CRPPA: variants seen among roughly 807,000 people sequenced by gnomAD.
The protein encoded by CRPPA is D-ribitol-5-phosphate cytidylyltransferase.
In CRPPA, 43 loss-of-function variants were observed where a neutral mutation model predicts 52.0. The ratio of observed to expected loss-of-function variants is 0.83; its 90% CI spans 0.65 to 1.07. The LOEUF (loss-of-function observed/expected upper bound fraction) is 1.07. Ranked by LOEUF, CRPPA falls within the 50% of genes least tolerant of loss-of-function variation. The pLI, the probability that CRPPA is intolerant of heterozygous loss-of-function variation, is 0.00. For missense variants in CRPPA, 629 were observed against 551.7 expected, an observed-to-expected ratio of 1.14 and a Z score of -1.40; for synonymous variants, 250 against 203.5, an observed-to-expected ratio of 1.23 and a Z score of -1.94.
intron 6 of CRPPA, among the ~76,000 whole-genome samples, chr7:16,277,586 G>A (rs12669858): frequency 0.32 from 47,877 of 151,980 alleles, 8,813 homozygotes; most frequent in South Asian, 0.52. Flanking sequence ...TAATGGCAGT[G>A]CTTGGTGGTA....
chr7:16,381,749 C>A (rs1049008698), intron 2 of CRPPA, among the ~76,000 whole-genome samples: 1 of 151,788 alleles, frequency 6.6e-6, no homozygotes, highest in Non-Finnish European at 1.5e-5. Flanking sequence ...TATGTAATGG[C>A]CTTCTTTGTC....
intron 5 of CRPPA, 55 bp downstream of exon 5, chr7:16,301,366 G>T: frequency 1.4e-6 from 2 of 1,438,768 alleles, no homozygotes; most frequent in Non-Finnish European, 1.9e-6. Context: ...GAGAAATTCC[G>T]AACTGGCTTA....
At chr7:16,272,041 A>C (rs1784101010) in intron 6 of CRPPA, among the ~76,000 whole-genome samples, 1 of 152,226 alleles carries the variant, frequency 6.6e-6, no homozygotes, top group Non-Finnish European at 1.5e-5. Flanking sequence ...GAAAACTGGG[A>C]AGAAGTGAGA....
chr7:16,180,597 C>T (rs1313370318), intron 9 of CRPPA, among the ~76,000 whole-genome samples: 1 of 151,906 alleles, frequency 6.6e-6, no homozygotes, highest in African/African-American at 2.4e-5. Flanking sequence ...CGAAATCATA[C>T]AATGGAATAT....
chr7:16,270,028 T>C (rs1231999556), intron 6 of CRPPA: 1 of 152,192 alleles, frequency 6.6e-6, no homozygotes, highest in African/African-American at 2.4e-5. Context: ...ATAATCTACA[T>C]ACAAAAACAA....
Position 16,218,722 on chromosome 7 carries a change from A to C in CRPPA, c.1120-2525T>G, listed in dbSNP as rs1488905051. 2.4e-5 allele frequency among the ~76,000 whole-genome samples: 3 copies of C among 123,630 alleles called. No individual in the cohort carries two copies. The East Asian group carries it at 7.0e-4, about 29-fold the overall frequency. 81.1% of individuals were successfully genotyped at this position (123,630 alleles called of 152,430 possible). A position where few individuals can be genotyped will look rare whatever the true frequency, so the allele number is the denominator to read the frequency against. ...GCCATTACATAATGGTAAAGGGATC[A>C]ATTCAACAAGAAGAGCTAACTATCC... On this transcript the variant is annotated intron_variant, in intron 8 of 9. Coordinates refer to ENST00000407010, the MANE Select transcript of CRPPA (RefSeq NM_001101426.4).
chr7:16,274,035 T>C (rs1426852899), intron 6 of CRPPA, among the ~76,000 whole-genome samples: 1 of 151,974 alleles, frequency 6.6e-6, no homozygotes, highest in Admixed American at 6.6e-5. Context: ...GTTGTGGCTG[T>C]TTTTGTTTTT....
At chr7:16,324,006 G>A (rs1562631204) in intron 3 of CRPPA, among the ~76,000 whole-genome samples, 2 of 152,178 alleles carry the variant, frequency 1.3e-5, no homozygotes, top group Non-Finnish European at 2.9e-5. Context: ...TAACACGGAT[G>A]CAAATAGGAG....
At chr7:16,149,715 G>A (rs1165334787) in intron 9 of CRPPA, among the ~76,000 whole-genome samples, 2 of 152,140 alleles carry the variant, frequency 1.3e-5, no homozygotes, top group East Asian at 1.9e-4. Flanking sequence ...GCCAGGAGCG[G>A]GGGCTCACGC....
At chr7:16,299,499 G>A (rs1039256787) in intron 5 of CRPPA, among the ~76,000 whole-genome samples, 1 of 152,134 alleles carries the variant, frequency 6.6e-6, no homozygotes, top group Non-Finnish European at 1.5e-5. Flanking sequence ...TGAGATTCTA[G>A]TCCTCAGGTA....
chr7:16,243,141 C>A (rs73291495), intron 8 of CRPPA, among the ~76,000 whole-genome samples: 20,714 of 152,074 alleles, frequency 0.14, 2,300 homozygotes, highest in African/African-American at 0.3. Flanking sequence ...CCATGCTGTT[C>A]TCGTGATAGT....
chr7:16,132,129 A>G (rs377504831), intron 9 of CRPPA, among the ~76,000 whole-genome samples: 9 of 151,540 alleles, frequency 5.9e-5, no homozygotes, highest in African/African-American at 2.2e-4. Flanking sequence ...CCATGGGCCT[A>G]GAGAAAAGAA....
At chr7:16,139,849 T>C (rs1362321889) in intron 9 of CRPPA, among the ~76,000 whole-genome samples, 5 of 152,176 alleles carry the variant, frequency 3.3e-5, no homozygotes, top group African/African-American at 9.7e-5. Flanking sequence ...CTATTTTTGG[T>C]ATTTAAAGAT....
At chr7:16,217,721 C>T (rs1296791766) in intron 8 of CRPPA, among the ~76,000 whole-genome samples, 5 of 138,464 alleles carry the variant, frequency 3.6e-5, no homozygotes, top group African/African-American at 1.4e-4. Context: ...TGAAATGAAG[C>T]GAGAAGGGAA....
At chr7:16,107,031 G>T (rs1478000409) in intron 9 of CRPPA, among the ~76,000 whole-genome samples, 3 of 151,946 alleles carry the variant, frequency 2.0e-5, no homozygotes, top group African/African-American at 7.3e-5. Context: ...TTAAGCAGAA[G>T]AATCAATTAG....
At chr7:16,365,228 T>G (rs1448393811) in intron 3 of CRPPA, among the ~76,000 whole-genome samples, 1 of 152,202 alleles carries the variant, frequency 6.6e-6, no homozygotes, top group African/African-American at 2.4e-5. Flanking sequence ...TCACTGCCTC[T>G]GGGAGAAATG....
chr7:16,247,456 C>A (rs755370261), intron 8 of CRPPA, among the ~76,000 whole-genome samples: 2 of 152,266 alleles, frequency 1.3e-5, no homozygotes, highest in South Asian at 2.1e-4. Flanking sequence ...TCAGAACACA[C>A]ACAACATTTA....
Position 16,216,184 on chromosome 7 carries a change from T to C in CRPPA, c.1133A>G (p.Asp378Gly), listed in dbSNP as rs1391543167. 6 of 1,573,696 alleles carry C rather than the reference T, an allele frequency of 3.8e-6. No individual in the cohort carries two copies. The East Asian group carries it at 1.4e-4, about 35-fold the overall frequency. The change falls in exon 9 of 10, where the codon GAT becomes GGT. Residue 378 changes from aspartate to glycine, a missense_variant. Asp to Gly is a moderately conservative substitution (Grantham distance 94, BLOSUM62 -1). Coordinates refer to ENST00000407010, the MANE Select transcript of CRPPA (RefSeq NM_001101426.4). ...PVVVVSVHFL[D>G]FKLVPPSQKM... ...CTGACTGGGAGGTACTAATTTAAAA[T>C]CAAGAAAATGAACCTGCAAAATATA...
chr7:16,112,689 A>G (rs576732557), intron 9 of CRPPA, among the ~76,000 whole-genome samples: 49 of 152,284 alleles, frequency 3.2e-4, no homozygotes, highest in African/African-American at 1.2e-3. Context: ...TAGTGCAATT[A>G]ATGGAACCTT....
Sources: allele counts gnomAD v4.1 joint callset (sites outside exome capture counted in the v4.1 genomes callset), GRCh38; gene constraint gnomAD v4.1.1; transcripts MANE v1.5; gene names NCBI Gene and HGNC (gene_info 2026-07-23, HGNC 2026-07-21).